INTS7: variants seen among roughly 807,000 people sequenced by gnomAD.
INTS7 encodes integrator complex subunit 7.
A neutral mutation model predicts 109.2 loss-of-function variants in INTS7; 46 were observed. The observed-to-expected ratio is 0.42, with a 90% CI of 0.33 to 0.54. The LOEUF (loss-of-function observed/expected upper bound fraction) is 0.54, where lower values mean the gene tolerates loss of function less well. Ranked by LOEUF, INTS7 falls within the 20% of genes least tolerant of loss-of-function variation. INTS7 has a pLI of 0.07. For missense variants in INTS7, 929 were observed against 1,132.4 expected, an observed-to-expected ratio of 0.82 and a Z score of 2.58; for synonymous variants, 412 against 402.9, an observed-to-expected ratio of 1.02 and a Z score of -0.27.
intron 16 of INTS7, among the ~76,000 whole-genome samples, chr1:211,957,217 T>C (rs1663407928): frequency 6.6e-6 from 1 of 152,162 alleles, no homozygotes; most frequent in African/African-American, 2.4e-5. Flanking sequence ...ATACCTTCTT[T>C]TTTGAAGTGT....
intron 1 of INTS7, among the ~76,000 whole-genome samples, chr1:212,029,874 T>C (rs1463173169): frequency 3.3e-5 from 5 of 152,188 alleles, no homozygotes; most frequent in Non-Finnish European, 7.3e-5. Flanking sequence ...AAAAAATTGA[T>C]GGCAAAGCCC....
chr1:212,018,847 AATG>A (rs1666564341), intron 3 of INTS7, among the ~76,000 whole-genome samples: 1 of 152,222 alleles, frequency 6.6e-6, no homozygotes, highest in African/African-American at 2.4e-5. Flanking sequence ...ATTCTACAAA[AATG>A]ATACTATAAT....
At chr1:211,973,049 C>A (rs1208421132) in intron 13 of INTS7, among the ~76,000 whole-genome samples, 1 of 152,208 alleles carries the variant, frequency 6.6e-6, no homozygotes, top group Admixed American at 6.5e-5. Flanking sequence ...TTCCCAGGCT[C>A]AGGTGATTCT....
chr1:212,013,670 C>T (rs1324808324), intron 4 of INTS7, among the ~76,000 whole-genome samples: 1 of 152,198 alleles, frequency 6.6e-6, no homozygotes, highest in African/African-American at 2.4e-5. Context: ...GTGCCCTATA[C>T]AGGAATACCA....
At chr1:211,983,298 G>C (rs1291631028) in intron 8 of INTS7, among the ~76,000 whole-genome samples, 2 of 151,982 alleles carry the variant, frequency 1.3e-5, no homozygotes, top group African/African-American at 4.8e-5. Context: ...GGGATCATCT[G>C]ATTTAACACA....
chr1:212,010,154 T>C (rs1321509563), intron 5 of INTS7, among the ~76,000 whole-genome samples: 1 of 152,194 alleles, frequency 6.6e-6, no homozygotes, highest in Non-Finnish European at 1.5e-5. Context: ...ACGAACATAA[T>C]GGTATTACCT....
chr1:211,974,272 A>ATATATATATAT (rs1553249472), intron 13 of INTS7, among the ~76,000 whole-genome samples: 1,390 of 61,292 alleles, frequency 0.023, 16 homozygotes, highest in South Asian at 0.028. Context: ...TCCCAGAAAA[A>ATATATATATAT]AAAAATATAT....
At chr1:211,980,458 CA>C (rs1664612897) in intron 10 of INTS7, among the ~76,000 whole-genome samples, 1 of 151,960 alleles carries the variant, frequency 6.6e-6, no homozygotes. Flanking sequence ...TTTTTTGAGA[CA>C]GGGTCTCATT....
intron 1 of INTS7, among the ~76,000 whole-genome samples, chr1:212,031,889 A>G (rs1334782875): frequency 6.6e-6 from 1 of 152,206 alleles, no homozygotes; most frequent in African/African-American, 2.4e-5. Context: ...TAAATATATA[A>G]CAGGTTATGA....
intron 13 of INTS7, among the ~76,000 whole-genome samples, chr1:211,971,754 A>G (rs1664180427): frequency 6.6e-6 from 1 of 152,048 alleles, no homozygotes; most frequent in Non-Finnish European, 1.5e-5. Flanking sequence ...TGTCTCTACT[A>G]AAAATACAAA....
chr1:211,992,919 C>T (rs1184484030), intron 7 of INTS7, among the ~76,000 whole-genome samples: 1 of 152,168 alleles, frequency 6.6e-6, no homozygotes, highest in Non-Finnish European at 1.5e-5. Flanking sequence ...ATTACCACTG[C>T]CTTCTTCACT....
intron 13 of INTS7, among the ~76,000 whole-genome samples, chr1:211,968,950 C>G (rs915001546): frequency 2.6e-5 from 4 of 152,126 alleles, no homozygotes; most frequent in African/African-American, 7.2e-5. Flanking sequence ...CCTACATTCA[C>G]AAAGACCCCA....
intron 1 of INTS7, among the ~76,000 whole-genome samples, chr1:212,022,508 A>G (rs1200862677): frequency 6.6e-6 from 1 of 151,244 alleles, no homozygotes; most frequent in African/African-American, 2.4e-5. Flanking sequence ...TGAGGAAGAA[A>G]TATGTATGGC....
intron 1 of INTS7, 143 bp downstream of exon 1, chr1:212,035,201 A>G (rs931066257): frequency 3.1e-6 from 2 of 652,582 alleles, no homozygotes; most frequent in Non-Finnish European, 5.5e-6. Flanking sequence ...GTCAAAGCCC[A>G]CGCCCCAGCA....
intron 17 of INTS7, among the ~76,000 whole-genome samples, chr1:211,950,794 T>C (rs997109591): frequency 6.6e-6 from 1 of 152,218 alleles, no homozygotes; most frequent in East Asian, 1.9e-4. Flanking sequence ...CTGTACTGTG[T>C]CTTCTGCTGG....
chr1:211,961,376 C>G (rs534812347), intron 16 of INTS7, among the ~76,000 whole-genome samples: 1 of 151,668 alleles, frequency 6.6e-6, no homozygotes, highest in African/African-American at 2.4e-5. Context: ...AACAGCAGAC[C>G]CCTTTGAGCA....
chr1:211,962,130 C>G (rs1388650092), intron 16 of INTS7, among the ~76,000 whole-genome samples: 2 of 152,042 alleles, frequency 1.3e-5, no homozygotes, highest in East Asian at 3.9e-4. Context: ...AGAGTCTCAT[C>G]TCACATGCAA....
At chr1:211,957,102 T>C (rs2102395707) in intron 16 of INTS7, among the ~76,000 whole-genome samples, 1 of 152,328 alleles carries the variant, frequency 6.6e-6, no homozygotes, top group South Asian at 2.1e-4. Flanking sequence ...CTGAAGGTCT[T>C]TTTAATCTTA....
In INTS7 at chr1:211,968,724, A is replaced by G; in HGVS notation, c.1816-17T>C. On this transcript the variant is annotated splice_polypyrimidine_tract_variant and intron_variant, in intron 13 of 19. Transcript: ENST00000366994. ...ACTAGCTGCCTGGGAAAAAAAAAAA[A>G]AAGAGATATTTAAGACAAAGTAAAC... 1 of 1,587,994 alleles carries G rather than the reference A, an allele frequency of 6.3e-7. No homozygotes were observed. The highest frequency in any genetic ancestry group is 8.6e-7 in the Non-Finnish European group (1 of 1,167,368).
Sources: allele counts gnomAD v4.1 joint callset (sites outside exome capture counted in the v4.1 genomes callset), GRCh38; gene constraint gnomAD v4.1.1; transcripts MANE v1.5; gene names NCBI Gene and HGNC (gene_info 2026-07-23, HGNC 2026-07-21).